Variants in DLG1 observed in about 807,000 individuals in gnomAD.
DLG1 encodes disks large homolog 1.
In DLG1, 42 loss-of-function variants were observed where a neutral mutation model predicts 123.4. The ratio of observed to expected loss-of-function variants is 0.34; its 90% CI spans 0.27 to 0.44. The LOEUF (loss-of-function observed/expected upper bound fraction) is 0.44, where lower values mean the gene tolerates loss of function less well. Ranked by LOEUF, DLG1 falls within the 20% of genes least tolerant of loss-of-function variation. DLG1 has a pLI of 1.00. For synonymous variants in DLG1, 317 were observed against 356.2 expected (o/e 0.89, Z 1.24); for missense variants, 942 against 1,082.6 (o/e 0.87, Z 1.82).
intron 5 of DLG1, among the ~76,000 whole-genome samples, chr3:197,153,062 G>A (rs1794740267): frequency 6.6e-6 from 1 of 152,112 alleles, no homozygotes; most frequent in Non-Finnish European, 1.5e-5. Context: ...TTTGTCTAGT[G>A]TTTCTTTCTC....
intron 5 of DLG1, among the ~76,000 whole-genome samples, chr3:197,154,342 A>C (rs1795352622): frequency 6.6e-6 from 1 of 151,824 alleles, no homozygotes; most frequent in Non-Finnish European, 1.5e-5. Context: ...AAACCCACAA[A>C]AACCTGATAG....
chr3:197,140,377 G>A, intron 7 of DLG1, 113 bp from the exon 8 acceptor site: 1 of 1,021,180 alleles, frequency 9.8e-7, no homozygotes, highest in East Asian at 2.5e-5. Context: ...ACAAATAAAG[G>A]TATATGGGTG....
At chr3:197,134,417 G>A (rs1319421795) in intron 10 of DLG1, among the ~76,000 whole-genome samples, 5 of 129,628 alleles carry the variant, frequency 3.9e-5, no homozygotes, top group Admixed American at 8.7e-5. Flanking sequence ...TAAAATTCTT[G>A]TACATGTTCA....
In DLG1 at chr3:197,100,981, C is replaced by T. The variant is rs141368614; in HGVS notation, c.1546+3922G>A. On this transcript the variant is annotated intron_variant, in intron 14 of 24. Transcript: ENST00000667157. ...TTCTAATAAAAGCTGTTTCTCCCTC[C>T]TTCCTTTCCCTACTAGATTAGGTGT... Among the ~76,000 whole-genome samples the T allele has an allele frequency of 1.4e-4, 21 of 152,268 alleles. No homozygotes were observed. In the East Asian group the frequency reaches 2.1e-3, roughly 15 times the overall value.
intron 5 of DLG1, among the ~76,000 whole-genome samples, chr3:197,162,218 T>A (rs1799063451): frequency 7.8e-6 from 1 of 128,440 alleles, no homozygotes; most frequent in South Asian, 2.6e-4. Flanking sequence ...ATAACTTGCC[T>A]CAACATGCCT....
chr3:197,201,087 T>C (rs1725425066), intron 4 of DLG1, among the ~76,000 whole-genome samples: 1 of 152,102 alleles, frequency 6.6e-6, no homozygotes, highest in Non-Finnish European at 1.5e-5. Context: ...TCTAAAAAAC[T>C]CTAAAGACTC....
chr3:197,270,032 T>C (rs1027144919), intron 4 of DLG1, among the ~76,000 whole-genome samples: 11 of 152,182 alleles, frequency 7.2e-5, no homozygotes, highest in Non-Finnish European at 5.9e-5. Context: ...AAGGCTAAAG[T>C]TGGAAGAATG....
At chr3:197,201,302 T>A (rs980861094) in intron 4 of DLG1, among the ~76,000 whole-genome samples, 3 of 152,210 alleles carry the variant, frequency 2.0e-5, no homozygotes, top group African/African-American at 7.2e-5. Context: ...GAGAATGGTG[T>A]GAACCCGGGA....
intron 4 of DLG1, among the ~76,000 whole-genome samples, chr3:197,209,811 T>A (rs1024739482): frequency 1.4e-5 from 2 of 146,646 alleles, no homozygotes; most frequent in African/African-American, 4.9e-5. Flanking sequence ...AATGGAGTAA[T>A]AATGAAGCTA....
chr3:197,140,278 A>G lies in DLG1; in HGVS notation c.589-14T>C. On this transcript the variant is annotated splice_polypyrimidine_tract_variant and intron_variant, in intron 7 of 24. Transcript: ENST00000667157. ...CCCTGAATTTCCCTGAGGATAGAAG[A>G]AAAAAAATTGAGACTGAATATGATT... is the stretch of plus-strand genomic sequence containing the variant. 1 of 1,604,346 alleles carries G rather than the reference A, an allele frequency of 6.2e-7. No individual in the cohort carries two copies. Among genetic ancestry groups the G allele is most frequent in the Non-Finnish European group, 8.5e-7 (1 of 1,175,456 alleles).
chr3:197,247,762 T>C (rs404691), intron 4 of DLG1, among the ~76,000 whole-genome samples: 4,696 of 152,294 alleles, frequency 0.031, 124 homozygotes, highest in Non-Finnish European at 0.047. Flanking sequence ...GGAATGTTAT[T>C]AGCCTTATAC....
chr3:197,093,358 C>T (rs1758813901), intron 14 of DLG1, among the ~76,000 whole-genome samples: 4 of 152,082 alleles, frequency 2.6e-5, no homozygotes, highest in Non-Finnish European at 5.9e-5. Context: ...GGGGTTTCAC[C>T]ATGTTGGCCA....
chr3:197,206,863 C>A (rs962238830), intron 4 of DLG1, among the ~76,000 whole-genome samples: 1 of 152,012 alleles, frequency 6.6e-6, no homozygotes, highest in African/African-American at 2.4e-5. Flanking sequence ...GAACGATATA[C>A]CAACAATAAA....
chr3:197,252,721 A>G (rs998565219), intron 4 of DLG1, among the ~76,000 whole-genome samples: 2 of 152,190 alleles, frequency 1.3e-5, no homozygotes, highest in Non-Finnish European at 2.9e-5. Context: ...GTAAACTTAA[A>G]ATGGTTAGGA....
rs140189632 is a variant in DLG1, at chr3:197,177,470, A to T, written c.483+16955T>A. ...TCCATTCCTTGGAGATGAAGAAAAA[A>T]TATTTTATCAAAACACAATTATCAT... On this transcript the variant is annotated intron_variant, in intron 5 of 24. Transcript: ENST00000667157. Among the ~76,000 whole-genome samples the T allele has an allele frequency of 1.1e-3, 169 of 152,316 alleles. 7 individuals are homozygous for T. The East Asian group carries it at 0.031, about 28-fold the overall frequency.
At chr3:197,187,060 T>C (rs1716502100) in intron 5 of DLG1, among the ~76,000 whole-genome samples, 1 of 152,174 alleles carries the variant, frequency 6.6e-6, no homozygotes, top group Admixed American at 6.5e-5. Context: ...AACATACAAC[T>C]GTATTGAGAT....
Position 197,291,282 on chromosome 3 carries a change from A to G in DLG1, c.151+5064T>C, listed in dbSNP as rs1774733619. Among the ~76,000 whole-genome samples the G allele has an allele frequency of 2.0e-5, 3 of 147,684 alleles. No homozygotes were observed. In the South Asian group the frequency reaches 6.4e-4, roughly 32 times the overall value. ...GATCCATATCCTGTTTTCCTTACTC[A>G]AATCTAGCCTACAAAGTTACACACA... On this transcript the variant is annotated intron_variant, in intron 3 of 24. Transcript: ENST00000667157.
intron 5 of DLG1, among the ~76,000 whole-genome samples, chr3:197,182,906 TGA>T (rs992560161): frequency 5.3e-5 from 8 of 152,292 alleles, no homozygotes; most frequent in African/African-American, 1.9e-4. Flanking sequence ...TTTTTAATTT[TGA>T]GAGACTTTTA....
chr3:197,297,534 C>G, intron 1 of DLG1: 1 of 1,153,376 alleles, frequency 8.7e-7, no homozygotes. Context: ...CAAGTATCCA[C>G]ACTCCCCACC....
Sources: allele counts gnomAD v4.1 joint callset (sites outside exome capture counted in the v4.1 genomes callset), GRCh38; gene constraint gnomAD v4.1.1; transcripts MANE v1.5; gene names NCBI Gene and HGNC (gene_info 2026-07-23, HGNC 2026-07-21).